Variants in ITGB8 observed in about 807,000 individuals in gnomAD.
The protein encoded by ITGB8 is integrin subunit beta 8, also known as integrin beta-8.
Under a neutral mutation model 89.5 loss-of-function variants are expected in ITGB8, and 30 were observed. The observed-to-expected ratio is 0.34, with a 90% CI of 0.25 to 0.45. The LOEUF (loss-of-function observed/expected upper bound fraction) is 0.45, where lower values mean the gene tolerates loss of function less well. Among genes scored for constraint, ITGB8 ranks in the 20% least tolerant of loss-of-function variants. The probability of loss-of-function intolerance (pLI) is 1.00; values close to 1 mark genes in which losing one functional copy is unlikely to be tolerated. For synonymous variants in ITGB8, 335 were observed against 320.4 expected (o/e 1.05, Z -0.49); for missense variants, 836 against 933.3 (o/e 0.90, Z 1.36).
intron 6 of ITGB8, among the ~76,000 whole-genome samples, chr7:20,388,949 C>A (rs190384269): frequency 7.2e-5 from 11 of 152,268 alleles, no homozygotes; most frequent in Non-Finnish European, 1.2e-4. Flanking sequence ...TTATCCATGT[C>A]CCTGCAAAGG....
At chr7:20,332,262 G>A (rs1447533778) in intron 1 of ITGB8, among the ~76,000 whole-genome samples, 1 of 152,212 alleles carries the variant, frequency 6.6e-6, no homozygotes. Context: ...CCATTCTTAA[G>A]GGCATCGTCT....
In ITGB8 at chr7:20,401,483, G is replaced by A. The variant is rs76719244; in HGVS notation, c.1282-238G>A. 3.2e-4 allele frequency among the ~76,000 whole-genome samples: 49 copies of A among 152,260 alleles called. 1 individual carries two copies. The East Asian group carries it at 8.7e-3, about 27-fold the overall frequency. On this transcript the variant is annotated intron_variant, in intron 9 of 13. Transcript: ENST00000222573. ...CTTGCACTCAAGTCTATTTAATGGT[G>A]CAATATAGGGATTAGTAGTTATTAT...
intron 9 of ITGB8, 172 bp downstream of exon 9, chr7:20,399,166 C>T: frequency 1.6e-6 from 1 of 628,310 alleles, no homozygotes; most frequent in South Asian, 2.2e-5. Flanking sequence ...CTTGTTTTAG[C>T]TCAGCTGATT....
chr7:20,395,714 A>G (rs1312167852), intron 8 of ITGB8, among the ~76,000 whole-genome samples: 1 of 152,216 alleles, frequency 6.6e-6, no homozygotes, highest in East Asian at 1.9e-4. Context: ...GACCTCATTC[A>G]GTCCTCACAC....
At chr7:20,330,592 G>A (rs1784340891), upstream of ITGB8, 1 of 152,358 alleles carries the variant, frequency 6.6e-6, no homozygotes, top group South Asian at 2.1e-4. Context: ...CAGAGCCAAG[G>A]GGGAAAAGAA....
chr7:20,354,052 AG>A (rs1785208073), intron 1 of ITGB8, among the ~76,000 whole-genome samples: 1 of 151,912 alleles, frequency 6.6e-6, no homozygotes. Flanking sequence ...TGTGATAAAT[AG>A]GTTTTGGAAA....
At chr7:20,347,218 G>T (rs1313102015) in intron 1 of ITGB8, among the ~76,000 whole-genome samples, 1 of 152,212 alleles carries the variant, frequency 6.6e-6, no homozygotes, top group Admixed American at 6.5e-5. Flanking sequence ...AAGGTATTTT[G>T]TTATGGCAGC....
chr7:20,336,905 C>A (rs921550240), intron 1 of ITGB8, among the ~76,000 whole-genome samples: 8 of 152,306 alleles, frequency 5.3e-5, no homozygotes, highest in African/African-American at 1.7e-4. Context: ...GGCAGCTAAG[C>A]AAATTCTCCC....
intron 3 of ITGB8, among the ~76,000 whole-genome samples, chr7:20,375,524 A>G (rs1356253118): frequency 2.0e-5 from 3 of 152,228 alleles, no homozygotes; most frequent in Non-Finnish European, 4.4e-5. Flanking sequence ...TACATGAACA[A>G]AAAAACAACT....
At position 20,404,795 on chromosome 7, in the gene ITGB8, A is replaced by C; in HGVS notation, c.1855A>C (p.Ser619Arg). The change falls in exon 11 of 14, where the codon AGC becomes CGC. Residue 619 changes from serine (S) to arginine (R), a missense_variant. Ser to Arg is a moderately radical substitution (Grantham distance 110, BLOSUM62 -1). Around this residue, in one of 5 missense-constraint regions of ITGB8, gnomAD observed 422 missense variants for 416.9 expected, o/e 1.01. Transcript: ENST00000222573. Reference protein sequence around the residue: ...CGRCECTDPRSIGRFCEHCPT... With the variant: ...CGRCECTDPRRIGRFCEHCPT... ...AAGGTGTGAGTGCACCGATCCCAGGAGCATCGGCCGCTTCTGTGAACACTG... is the reference window on the plus strand; with the variant it reads ...AAGGTGTGAGTGCACCGATCCCAGGCGCATCGGCCGCTTCTGTGAACACTG... 1.2e-6 allele frequency: 2 copies of C among 1,614,168 alleles called. No individual in the cohort carries two copies. The highest frequency in any genetic ancestry group is 2.2e-5 in the South Asian group (2 of 91,074).
intron 12 of ITGB8, among the ~76,000 whole-genome samples, chr7:20,408,130 C>G (rs1225836481): frequency 6.6e-6 from 1 of 152,192 alleles, no homozygotes; most frequent in Non-Finnish European, 1.5e-5. Context: ...CTCTGATGAT[C>G]TGCCTTAGCT....
chr7:20,342,623 G>T lies in ITGB8; in HGVS notation c.127+10690G>T, dbSNP rs76635490. On this transcript the variant is annotated intron_variant, in intron 1 of 13. Coordinates refer to ENST00000222573, the MANE Select transcript of ITGB8 (RefSeq NM_002214.3). ...GGCTGGAAATTACAGAATCTGAGAGGGTTTTGCCAGTAACTTCTATACCCA... is the reference window on the plus strand; with the variant it reads ...GGCTGGAAATTACAGAATCTGAGAGTGTTTTGCCAGTAACTTCTATACCCA... 7.5e-3 allele frequency among the ~76,000 whole-genome samples: 1,142 copies of T among 152,134 alleles called. 20 individuals carry two copies. The highest frequency in any genetic ancestry group is 0.026 in the African/African-American group (1,072 of 41,510).
At chr7:20,404,141 A>G (rs1408233072) in intron 10 of ITGB8, among the ~76,000 whole-genome samples, 2 of 152,236 alleles carry the variant, frequency 1.3e-5, no homozygotes, top group African/African-American at 4.8e-5. Flanking sequence ...ACATGGCACT[A>G]GCAGTACTGA....
At chr7:20,330,364 G>T (rs1234095324), upstream of ITGB8, among the ~76,000 whole-genome samples, 1 of 152,190 alleles carries the variant, frequency 6.6e-6, no homozygotes, top group Non-Finnish European at 1.5e-5. Flanking sequence ...CAGCAGCTGC[G>T]GGGCAGTGAG....
intron 6 of ITGB8, among the ~76,000 whole-genome samples, chr7:20,383,604 T>C (rs1274337705): frequency 6.6e-6 from 1 of 152,214 alleles, no homozygotes; most frequent in Admixed American, 6.5e-5. Context: ...GCCAAGTCAC[T>C]GAAGTCATCT....
chr7:20,406,150 C>T lies in ITGB8; in HGVS notation c.2002C>T (p.His668Tyr). 1 of 1,608,574 alleles carries T rather than the reference C, an allele frequency of 6.2e-7. No individual in the cohort carries two copies. The highest frequency in any genetic ancestry group is 8.5e-7 in the Non-Finnish European group (1 of 1,174,958). The change falls in exon 12 of 14, where the codon CAT becomes TAT. Residue 668 changes from histidine to tyrosine, a missense_variant. His to Tyr is a moderately conservative substitution (Grantham distance 83, BLOSUM62 2). Coordinates refer to ENST00000222573, the MANE Select transcript of ITGB8 (RefSeq NM_002214.3). ...KTSCALMEQQ[H>Y]YVDQTSECFS... ...CTCATGTGCTCTCATGGAACAACAG[C>T]ATTATGTCGACCAAACTTCAGGTAG...
intron 1 of ITGB8, among the ~76,000 whole-genome samples, chr7:20,351,767 G>A (rs1785120527): frequency 6.6e-6 from 1 of 152,150 alleles, no homozygotes; most frequent in Non-Finnish European, 1.5e-5. Flanking sequence ...GTTCACACCT[G>A]CAACGTGACT....
chr7:20,332,753 A>C (rs1199566271), intron 1 of ITGB8, among the ~76,000 whole-genome samples: 1 of 152,232 alleles, frequency 6.6e-6, no homozygotes, highest in Non-Finnish European at 1.5e-5. Flanking sequence ...GTGTTTTAGG[A>C]CTTTTGATTT....
chr7:20,395,665 T>C (rs544166782), intron 8 of ITGB8, among the ~76,000 whole-genome samples: 131 of 152,242 alleles, frequency 8.6e-4, no homozygotes, highest in Non-Finnish European at 1.6e-3. Flanking sequence ...TAGTGACTGC[T>C]ACTTTTTTAC....
Sources: allele counts gnomAD v4.1 joint callset (sites outside exome capture counted in the v4.1 genomes callset), GRCh38; gene constraint gnomAD v4.1.1; regional missense constraint gnomAD v4.1.1; transcripts MANE v1.5; gene names NCBI Gene and HGNC (gene_info 2026-07-23, HGNC 2026-07-21).